Variants in PIF1 observed in about 807,000 individuals in gnomAD.
PIF1 encodes PIF1 5'-to-3' DNA helicase.
In PIF1, 67 loss-of-function variants were observed where a neutral mutation model predicts 62.3. That is an observed-to-expected ratio of 1.08 (90% CI 0.88 to 1.32). The LOEUF is 1.32. Ranked by LOEUF, PIF1 falls within the 40% of genes most tolerant of loss-of-function variation. PIF1 has a pLI of 0.00. For synonymous variants in PIF1, 364 were observed against 379.5 expected, an observed-to-expected ratio of 0.96 and a Z score of 0.47; for missense variants, 886 against 866.1, an observed-to-expected ratio of 1.02 and a Z score of -0.29.
intron 1 of PIF1, among the ~76,000 whole-genome samples, chr15:64,825,098 G>C (rs550095240): frequency 5.3e-5 from 8 of 151,948 alleles, no homozygotes; most frequent in African/African-American, 1.9e-4. Context: ...CAGGTGTCCT[G>C]CAAGGACCTC....
chr15:64,826,665 T>TATATATATATATATATACACACAC (rs796684934), upstream of PIF1, among the ~76,000 whole-genome samples: 1 of 42,792 alleles, frequency 2.3e-5, no homozygotes. Flanking sequence ...TATATATATA[T>TATATATATATATATATACACACAC]ACACACACAC....
At chr15:64,818,948 A>G (rs1343585734) in intron 9 of PIF1, 169 bp downstream of exon 9, 5 of 490,396 alleles carry the variant, frequency 1.0e-5, no homozygotes, top group African/African-American at 2.0e-5. Context: ...GAAAAACAGT[A>G]GAAAGCTTAA....
chr15:64,822,743 GT>G, intron 2 of PIF1, 133 bp from the exon 3 acceptor site: 3 of 1,371,130 alleles, frequency 2.2e-6, no homozygotes, highest in Non-Finnish European at 2.9e-6. Flanking sequence ...GAGCTCTTGG[GT>G]TTGCCTGGAG....
intron 4 of PIF1, 53 bp from the exon 5 acceptor site, chr15:64,821,573 T>C: frequency 1.5e-6 from 2 of 1,341,662 alleles, no homozygotes; most frequent in South Asian, 1.6e-5. Context: ...CTCTTTTTTT[T>C]TTTTTTTTTT....
chr15:64,819,237 G>C lies in PIF1; in HGVS notation c.1334-14C>G. On this transcript the variant is annotated splice_polypyrimidine_tract_variant and intron_variant, in intron 8 of 12. Coordinates refer to ENST00000559239, the MANE Select transcript of PIF1 (RefSeq NM_001286496.2). ...TGTGTACCTTACCTGGAGAAAAAGA[G>C]TTGAGCAAACAGATCACAAATCACT... 1.9e-6 allele frequency: 3 copies of C among 1,570,956 alleles called. No individual in the cohort carries two copies. The highest frequency in any genetic ancestry group is 2.6e-6 in the Non-Finnish European group (3 of 1,151,460).
chr15:64,819,700 C>A, intron 8 of PIF1, 147 bp downstream of exon 8: 1 of 1,077,180 alleles, frequency 9.3e-7, no homozygotes, highest in Non-Finnish European at 1.3e-6. Flanking sequence ...TCACACCTCT[C>A]AAAGTCACAG....
chr15:64,825,120 G>T (rs568218168), intron 1 of PIF1, among the ~76,000 whole-genome samples: 1 of 151,948 alleles, frequency 6.6e-6, no homozygotes, highest in East Asian at 1.9e-4. Flanking sequence ...CTAGAACAGG[G>T]GTCCCTGCGC....
intron 8 of PIF1, 99 bp downstream of exon 8, chr15:64,819,748 G>A: frequency 1.3e-6 from 2 of 1,525,232 alleles, no homozygotes; most frequent in Non-Finnish European, 1.8e-6. Context: ...TGGCTTCAGA[G>A]GTTGGGGGCC....
chr15:64,819,479 T>C (rs182613553), intron 8 of PIF1, among the ~76,000 whole-genome samples: 2 of 152,194 alleles, frequency 1.3e-5, no homozygotes, highest in Non-Finnish European at 2.9e-5. Flanking sequence ...GCTAATTTTT[T>C]TCTATTTTTA....
In PIF1 at chr15:64,824,062, C is replaced by T. The variant is rs766972415; in HGVS notation, c.274G>A (p.Ala92Thr). The T allele has an allele frequency of 6.3e-6, 8 of 1,263,572 alleles. No individual in the cohort carries two copies. The highest frequency in any genetic ancestry group is 8.4e-5 in the Admixed American group (2 of 23,718). The allele number at this position is 1,263,572 out of a possible 1,614,324, so 78.3% of individuals were successfully genotyped here. Residue 92 changes from alanine (A) to threonine (T), a missense_variant, in exon 2 of 13, where the codon GCC (alanine) becomes ACC (threonine). Transcript: ENST00000559239. ...GCGCCGGCCCCGGGGGTGTCGTGGG[C>T]GGGGAGCCGCAGGGTGCTGCGCCCG... ...EAGRSTLRLPAHDTPGAGAVQ... is the reference protein window; with the variant it reads ...EAGRSTLRLPTHDTPGAGAVQ...
chr15:64,818,018 G>C lies in PIF1; in HGVS notation c.1602C>G (p.Thr534=), dbSNP rs148690720. ...IHADRWTVQA[T]GGQLLSRQQL... is the part of the protein sequence containing the mutation. ...GCTGCCGACTGAGGAGCTGGCCCCC[G>C]GTGGCCTGCACCGTCCAGCGGTCAG... Residue 534 remains threonine (T), a synonymous_variant, in exon 11 of 13, where the codon ACC becomes ACG. Transcript: ENST00000559239. 5 of 1,613,490 alleles carry C rather than the reference G, an allele frequency of 3.1e-6. No homozygotes were observed. The highest frequency in any genetic ancestry group is 2.2e-5 in the South Asian group (2 of 90,998).
chr15:64,826,659 TATATATACAC>T (rs1424219355), upstream of PIF1, among the ~76,000 whole-genome samples: 219 of 39,938 alleles, frequency 5.5e-3, 9 homozygotes, highest in African/African-American at 0.012. Context: ...TATATATATA[TATATATACAC>T]ACACACACAC....
Position 64,820,236 on chromosome 15 carries a change from A to G in PIF1, c.1194-250T>C, listed in dbSNP as rs143864102. ...TGGGCACCCTTCCCTGTGCTGCCCCAGGTCAGAGCTGGCCACCCTCGCACT... is the reference window on the plus strand; with the variant it reads ...TGGGCACCCTTCCCTGTGCTGCCCCGGGTCAGAGCTGGCCACCCTCGCACT... On this transcript the variant is annotated intron_variant, in intron 7 of 12. Transcript: ENST00000559239. 1.6e-3 allele frequency among the ~76,000 whole-genome samples: 246 copies of G among 152,304 alleles called. 1 individual carries two copies. The highest frequency in any genetic ancestry group is 0.01 in the Middle Eastern group (3 of 294).
chr15:64,823,974 C>A lies in PIF1; in HGVS notation c.362G>T (p.Arg121Leu). ...DRLRRFLRTL[R>L]LKLAAAPGPG... ...ACCCGGGGCCGCAGCCAGCTTGAGG[C>A]GCAATGTGCGCAGGAAGCGGCGCAG... is the stretch of plus-strand genomic sequence containing the variant. The change falls in exon 2 of 13, where the codon CGC becomes CTC. Residue 121 changes from arginine (R) to leucine (L), a missense_variant. Arg to Leu is a moderately radical substitution (Grantham distance 102). Transcript: ENST00000559239. 2 of 1,300,196 alleles carry A rather than the reference C, an allele frequency of 1.5e-6. No homozygotes were observed. Among genetic ancestry groups the A allele is most frequent in the Non-Finnish European group, 2.0e-6 (2 of 1,023,284 alleles). 80.5% of individuals were successfully genotyped at this position (1,300,196 alleles called of 1,614,324 possible).
Position 64,816,264 on chromosome 15 carries a change from A to G in PIF1, c.*34T>C. On this transcript the variant is annotated 3_prime_UTR_variant, in exon 13 of 13. Transcript: ENST00000559239. Reference sequence around the variant, plus strand: ...GGGAGCAGGAGGACGGGGAGGCCACAGGCCACCCTTTGTCTTCTCTTTGTG... The same window carrying G: ...GGGAGCAGGAGGACGGGGAGGCCACGGGCCACCCTTTGTCTTCTCTTTGTG... 6.2e-7 allele frequency: 1 copy of G among 1,613,094 alleles called. No homozygotes were observed. The highest frequency in any genetic ancestry group is 8.5e-7 in the Non-Finnish European group (1 of 1,179,852).
chr15:64,824,708 G>A (rs1309778278), intron 1 of PIF1, among the ~76,000 whole-genome samples: 1 of 151,502 alleles, frequency 6.6e-6, no homozygotes, highest in Admixed American at 6.6e-5. Context: ...TTAGCCGGGC[G>A]TGGTGGCGGG....
At chr15:64,826,624 TTATATATATATATATATATATATATA>T (rs764170884), upstream of PIF1, among the ~76,000 whole-genome samples, 4 of 36,078 alleles carry the variant, frequency 1.1e-4, 1 homozygote, top group Non-Finnish European at 2.1e-4. Flanking sequence ...CCCAGCTAAT[TTATATATATATATATATATATATATA>T]TATATATATA....
In PIF1 at chr15:64,823,957, C is replaced by T. The variant is rs182752537; in HGVS notation, c.379G>A (p.Ala127Thr). 2.5e-3 allele frequency: 3,248 copies of T among 1,304,186 alleles called. 63 individuals are homozygous for T. In the African/African-American group the frequency reaches 0.046, roughly 18 times the overall value. The allele number at this position is 1,304,186 out of a possible 1,614,324, so 80.8% of individuals were successfully genotyped here. ...GCGGAGGCCGGCCCGGGACCCGGGG[C>T]CGCAGCCAGCTTGAGGCGCAATGTG... Reference protein sequence around the residue: ...LRTLRLKLAAAPGPGPASARA... With the variant: ...LRTLRLKLAATPGPGPASARA... Residue 127 changes from alanine to threonine, a missense_variant, in exon 2 of 13, where the codon GCC becomes ACC. Transcript: ENST00000559239.
intron 9 of PIF1, 195 bp from the exon 10 acceptor site, chr15:64,818,539 T>A (rs1297796608): frequency 3.4e-6 from 2 of 582,458 alleles, no homozygotes; most frequent in Middle Eastern, 3.0e-4. Context: ...TTTTTCTTTA[T>A]GTCAAAGAGG....
Sources: gnomAD v4.1 joint callset for allele counts (sites outside exome capture counted in the v4.1 genomes callset) on GRCh38, gnomAD v4.1.1 for gene constraint, MANE v1.5 for transcripts, NCBI Gene and HGNC (gene_info 2026-07-23, HGNC 2026-07-21) for gene names.